The following EMX2 variants were observed in gnomAD, a reference collection of about 807,000 sequenced individuals.
The protein encoded by EMX2 is empty spiracles homeobox 2, also known as homeobox protein EMX2.
A neutral mutation model predicts 23.0 loss-of-function variants in EMX2; 6 were observed. The observed-to-expected ratio is 0.26, with a 90% confidence interval of 0.14 to 0.52. The LOEUF is 0.52. Among genes scored for constraint, EMX2 ranks in the 20% least tolerant of loss-of-function variants. EMX2 has a pLI of 0.97. For missense variants in EMX2, 302 were observed against 341.4 expected (o/e 0.88, Z 0.91); for synonymous variants, 175 against 153.3 (o/e 1.14, Z -1.04).
At position 117,543,582 on chromosome 10, in the gene EMX2, A is replaced by G. The variant is rs1025898634; in HGVS notation, c.315A>G (p.Pro105=). ...ACCCCCTACCCTCCTCGCACTCGCC[A>G]CACCCCCTATTCGCCTCGCAGCAGC... The part of the protein sequence containing the change: ...AAHPLPSSHS[P]HPLFASQQRD... The change falls in exon 1 of 3, where the codon CCA becomes CCG. Residue 105 remains proline, a synonymous_variant. Coordinates refer to ENST00000553456, the MANE Select transcript of EMX2 (RefSeq NM_004098.4). 2 of 1,549,178 alleles carry G rather than the reference A, an allele frequency of 1.3e-6. No individual in the cohort carries two copies. Among genetic ancestry groups the G allele is most frequent in the South Asian group, 1.1e-5 (1 of 89,408 alleles).
chr10:117,543,227 C>T lies in EMX2; in HGVS notation c.-41C>T, dbSNP rs762592184. The T allele has an allele frequency of 7.6e-6, 11 of 1,438,804 alleles. No homozygotes were observed. The South Asian group carries it at 1.4e-4, about 19-fold the overall frequency. The allele number at this position is 1,438,804 out of a possible 1,614,324, so 89.1% of individuals were successfully genotyped here. A position where few individuals can be genotyped will look rare whatever the true frequency, so the allele number is the denominator to read the frequency against. On this transcript the variant is annotated 5_prime_UTR_variant, in exon 1 of 3. Coordinates refer to ENST00000553456, the MANE Select transcript of EMX2 (RefSeq NM_004098.4). ...CGGCGGAGGCAGCGTGCGGCGGTCG[C>T]CAGGAGCTGGGAGCCCAGGGCGCCC... is the stretch of plus-strand genomic sequence containing the variant.
intron 2 of EMX2, 34 bp from the exon 3 acceptor site, chr10:117,548,031 G>A: frequency 6.3e-7 from 1 of 1,589,780 alleles, no homozygotes; most frequent in Non-Finnish European, 8.6e-7. Flanking sequence ...TGCTCTGAAA[G>A]AACTAACGCA....
In EMX2 at chr10:117,548,536, G is replaced by A; in HGVS notation, c.*304G>A. On this transcript the variant is annotated 3_prime_UTR_variant, in exon 3 of 3. Transcript: ENST00000553456. ...AAGGAGAAAGAGGGAGGGAGAGAGAGAAAGAGAGAGAAAGAGAGAGAGAGA... is the reference window on the plus strand; with the variant it reads ...AAGGAGAAAGAGGGAGGGAGAGAGAAAAAGAGAGAGAAAGAGAGAGAGAGA... 1.6e-5 allele frequency: 7 copies of A among 430,480 alleles called. No individual in the cohort carries two copies. The highest frequency in any genetic ancestry group is 5.2e-4 in the Middle Eastern group (1 of 1,914). 26.7% of individuals were successfully genotyped at this position (430,480 alleles called of 1,614,324 possible).
In EMX2 at chr10:117,543,621, C is replaced by T. The variant is rs1846530280; in HGVS notation, c.354C>T (p.Thr118=). 6.2e-7 allele frequency: 1 copy of T among 1,613,508 alleles called. No homozygotes were observed. The highest frequency in any genetic ancestry group is 8.5e-7 in the Non-Finnish European group (1 of 1,179,750). ...LFASQQRDPS[T]FYPWLIHRYR... Reference sequence around the variant, plus strand: ...CCTCGCAGCAGCGGGATCCGTCCACCTTCTACCCCTGGCTCATCCACCGCT... The same window carrying T: ...CCTCGCAGCAGCGGGATCCGTCCACTTTCTACCCCTGGCTCATCCACCGCT... The change falls in exon 1 of 3, where the codon ACC becomes ACT. Residue 118 remains threonine, a synonymous_variant. Coordinates refer to ENST00000553456, the MANE Select transcript of EMX2 (RefSeq NM_004098.4).
Position 117,548,548 on chromosome 10 carries a change from AAGAGAGAG to A in EMX2, c.*334_*341del, listed in dbSNP as rs34929200. On this transcript the variant is annotated 3_prime_UTR_variant, in exon 3 of 3. Coordinates refer to ENST00000553456, the MANE Select transcript of EMX2 (RefSeq NM_004098.4). ...GGAGGGAGAGAGAGAAAGAGAGAGA[AAGAGAGAG>A]AGAGAGAGAGAGAGAGAAAGCTGAA... is the stretch of plus-strand genomic sequence containing the variant. The A allele has an allele frequency of 3.3e-4, 154 of 464,802 alleles. No homozygotes were observed. The highest frequency in any genetic ancestry group is 1.0e-3 in the South Asian group (22 of 20,978). The allele number at this position is 464,802 out of a possible 1,614,324, so 28.8% of individuals were successfully genotyped here. A position where few individuals can be genotyped will look rare whatever the true frequency, so the allele number is the denominator to read the frequency against.
Position 117,548,621 on chromosome 10 carries a change from AC to A in EMX2, c.*391del, listed in dbSNP as rs1846615323. The A allele has an allele frequency of 6.4e-6, 3 of 468,744 alleles. No homozygotes were observed. Among genetic ancestry groups the A allele is most frequent in the Non-Finnish European group, 1.1e-5 (3 of 268,476 alleles). The allele number at this position is 468,744 out of a possible 1,614,324, so 29.0% of individuals were successfully genotyped here. A position where few individuals can be genotyped will look rare whatever the true frequency, so the allele number is the denominator to read the frequency against. ...AGGGGAGCTGTCAATCAAACACCAA[AC>A]CGGGGAGACAAGATGATTGGCAGGT... On this transcript the variant is annotated 3_prime_UTR_variant, in exon 3 of 3. Transcript: ENST00000553456.
At chr10:117,545,857 G>GC in intron 2 of EMX2, 41 bp downstream of exon 2, 1 of 1,612,626 alleles carries the variant, frequency 6.2e-7, no homozygotes, top group Non-Finnish European at 8.5e-7. Flanking sequence ...CTAGGCGTGC[G>GC]CCCCCTCCCC....
intron 2 of EMX2, among the ~76,000 whole-genome samples, chr10:117,547,035 C>T (rs1277757961): frequency 6.6e-6 from 1 of 152,208 alleles, no homozygotes; most frequent in Non-Finnish European, 1.5e-5. Flanking sequence ...GGTGCAGTCA[C>T]TGCCATCTCC....
rs764918158 is a variant in EMX2 at position 117,548,878 on chromosome 10, G to A, written c.*646G>A. On this transcript the variant is annotated 3_prime_UTR_variant, in exon 3 of 3. Coordinates refer to ENST00000553456, the MANE Select transcript of EMX2 (RefSeq NM_004098.4). The stretch of plus-strand genomic sequence containing the variant: ...CGAATGGTGTTTAAAGACCGAAAAT[G>A]AATTGTAATTTTCTTTTCCTTTTAA... 25 of 392,332 alleles carry A rather than the reference G, an allele frequency of 6.4e-5. No individual in the cohort carries two copies. Among genetic ancestry groups the A allele is most frequent in the Admixed American group, 3.5e-4 (8 of 22,620 alleles). The allele number at this position is 392,332 out of a possible 1,614,324, so 24.3% of individuals were successfully genotyped here. A position where few individuals can be genotyped will look rare whatever the true frequency, so the allele number is the denominator to read the frequency against.
At chr10:117,543,753 T>G (rs1445781256) in intron 1 of EMX2, 80 bp downstream of exon 1, 1 of 1,606,110 alleles carries the variant, frequency 6.2e-7, no homozygotes. Flanking sequence ...GGGTGGGCGC[T>G]TGGCAAGGCC....
chr10:117,543,474 G>C lies in EMX2; in HGVS notation c.207G>C (p.Leu69Phe), dbSNP rs1216095727. The C allele has an allele frequency of 1.2e-6, 2 of 1,609,696 alleles. No homozygotes were observed. Among genetic ancestry groups the C allele is most frequent in the Non-Finnish European group, 1.7e-6 (2 of 1,178,562 alleles). Residue 69 changes from leucine to phenylalanine, a missense_variant, in exon 1 of 3, where the codon TTG becomes TTC. This residue lies in a region of EMX2 where 221 missense variants were observed against 206.8 expected (regional missense o/e 1.07). Transcript: ENST00000553456. ...GGGGCGTCTACTCCAACCCGGACTT[G>C]GTGTTCGCCGAGGCGGTCTCGCACC... Reference protein sequence around the residue: ...AGRGVYSNPDLVFAEAVSHPP... With the variant: ...AGRGVYSNPDFVFAEAVSHPP...
chr10:117,545,608 G>T, intron 1 of EMX2, 24 bp from the exon 2 acceptor site: 1 of 1,613,740 alleles, frequency 6.2e-7, no homozygotes, highest in Non-Finnish European at 8.5e-7. Flanking sequence ...CCCCCTAATG[G>T]GATTTCTGCT....
At position 117,548,465 on chromosome 10, in the gene EMX2, A is replaced by T; in HGVS notation, c.*233A>T. On this transcript the variant is annotated 3_prime_UTR_variant, in exon 3 of 3. Transcript: ENST00000553456. ...AGAGGATGGAGGCTCCTTCATCAAC[A>T]AGCGACCCTCGTCTAAAGAGGCAGC... 6 of 625,194 alleles carry T rather than the reference A, an allele frequency of 9.6e-6. No homozygotes were observed. In the South Asian group the frequency reaches 1.2e-4, roughly 13 times the overall value. 38.7% of individuals were successfully genotyped at this position (625,194 alleles called of 1,614,324 possible).
Position 117,548,689 on chromosome 10 carries a change from TA to T in EMX2, c.*462del. On this transcript the variant is annotated 3_prime_UTR_variant, in exon 3 of 3. Transcript: ENST00000553456. ...TCCACTTAAAAAATGATGATGATGA[TA>T]AAAACCACGACCCAACCAGGCACAG... The T allele has an allele frequency of 2.4e-6, 1 of 413,766 alleles. No homozygotes were observed. The highest frequency in any genetic ancestry group is 4.3e-6 in the Non-Finnish European group (1 of 234,604). The allele number at this position is 413,766 out of a possible 1,614,324, so 25.6% of individuals were successfully genotyped here.
At chr10:117,545,866 C>A in intron 2 of EMX2, 50 bp downstream of exon 2, 3 of 1,611,474 alleles carry the variant, frequency 1.9e-6, no homozygotes, top group Non-Finnish European at 2.5e-6. Flanking sequence ...CGCCCCCTCC[C>A]CAAAGCTGGC....
Position 117,543,367 on chromosome 10 carries a change from G to T in EMX2, c.100G>T (p.Ala34Ser). ...ASRSEDPIRP[A>S]ALSYANSSPI... ...GCGCTCCGAGGACCCCATCCGTCCCGCGGCACTCAGCTACGCTAACTCCAG... is the reference window on the plus strand; with the variant it reads ...GCGCTCCGAGGACCCCATCCGTCCCTCGGCACTCAGCTACGCTAACTCCAG... The change falls in exon 1 of 3, where the codon GCG becomes TCG. Residue 34 changes from alanine to serine, a missense_variant. Transcript: ENST00000553456. The T allele has an allele frequency of 6.4e-7, 1 of 1,568,848 alleles. No individual in the cohort carries two copies. The highest frequency in any genetic ancestry group is 1.2e-5 in the South Asian group (1 of 85,844).
rs866810600 is a variant in EMX2, at chr10:117,543,356, C to T, written c.89C>T (p.Pro30Leu). Residue 30 changes from proline (P) to leucine (L), a missense_variant, in exon 1 of 3, where the codon CCC becomes CTC. Pro to Leu is a moderately conservative substitution (Grantham distance 98). Coordinates refer to ENST00000553456, the MANE Select transcript of EMX2 (RefSeq NM_004098.4). Reference sequence around the variant, plus strand: ...CTGCCCGCCTCGCGCTCCGAGGACCCCATCCGTCCCGCGGCACTCAGCTAC... The same window carrying T: ...CTGCCCGCCTCGCGCTCCGAGGACCTCATCCGTCCCGCGGCACTCAGCTAC... ...SPLPASRSED[P>L]IRPAALSYAN... 1 of 1,564,446 alleles carries T rather than the reference C, an allele frequency of 6.4e-7. No individual in the cohort carries two copies. Among genetic ancestry groups the T allele is most frequent in the Non-Finnish European group, 8.7e-7 (1 of 1,155,214 alleles).
intron 2 of EMX2, 84 bp from the exon 3 acceptor site, chr10:117,547,981 G>T (rs1469141172): frequency 6.5e-7 from 1 of 1,535,924 alleles, no homozygotes; most frequent in Non-Finnish European, 8.8e-7. Context: ...TGGAACTGGA[G>T]TCTGGGCTGG....
intron 2 of EMX2, among the ~76,000 whole-genome samples, chr10:117,546,755 C>T (rs1420356727): frequency 1.3e-5 from 2 of 152,254 alleles, no homozygotes; most frequent in African/African-American, 4.8e-5. Context: ...CCCGAGCGCA[C>T]CGACGCGCGC....
Sources: allele counts gnomAD v4.1 joint callset (sites outside exome capture counted in the v4.1 genomes callset), GRCh38; gene constraint gnomAD v4.1.1; regional missense constraint gnomAD v4.1.1; transcripts MANE v1.5; gene names NCBI Gene and HGNC (gene_info 2026-07-23, HGNC 2026-07-21).